The following ANO3 variants were observed in gnomAD, a reference collection of about 807,000 sequenced individuals.
ANO3 encodes the protein anoctamin-3.
In ANO3, 99 loss-of-function variants were observed where a neutral mutation model predicts 144.8. That is an observed-to-expected ratio of 0.68 (90% CI 0.58 to 0.81). The LOEUF (loss-of-function observed/expected upper bound fraction) is 0.81, where lower values mean the gene tolerates loss of function less well. Ranked by LOEUF, ANO3 falls within the 30% of genes least tolerant of loss-of-function variation. The probability of loss-of-function intolerance (pLI) is 0.00; values close to 1 mark genes in which losing one functional copy is unlikely to be tolerated. For synonymous variants in ANO3, 414 were observed against 392.6 expected (o/e 1.05, Z -0.64); for missense variants, 905 against 1,202.2 (o/e 0.75, Z 3.66).
intron 1 of ANO3, among the ~76,000 whole-genome samples, chr11:26,319,628 T>C (rs1286023506): frequency 6.6e-6 from 1 of 152,202 alleles, no homozygotes; most frequent in East Asian, 1.9e-4. Flanking sequence ...GCCAAATCAA[T>C]GTATGATAAA....
intron 1 of ANO3, among the ~76,000 whole-genome samples, chr11:26,219,888 A>G (rs72889674): frequency 0.3 from 45,480 of 152,090 alleles, 7,624 homozygotes; most frequent in Non-Finnish European, 0.37. Context: ...GACCCAGAAA[A>G]CACTCCATTT....
chr11:26,548,000 TG>T lies in ANO3; in HGVS notation c.1289+451del, dbSNP rs1441970511. 3.3e-5 allele frequency among the ~76,000 whole-genome samples: 5 copies of T among 151,976 alleles called. No homozygotes were observed. In the East Asian group the frequency reaches 9.7e-4, roughly 29 times the overall value. ...ACCCTGGGAGATGCATAGCTCTTTT[TG>T]CACATGAGGGAACCTAATATACTTA... On this transcript the variant is annotated intron_variant, in intron 12 of 26. Transcript: ENST00000256737.
chr11:26,264,865 GA>G (rs565997435), intron 1 of ANO3, among the ~76,000 whole-genome samples: 332 of 151,266 alleles, frequency 2.2e-3, no homozygotes, highest in African/African-American at 7.9e-3. Context: ...TATTTTTAAA[GA>G]TTTTTTTTTT....
At chr11:26,544,251 C>CAT (rs1554967685) in intron 11 of ANO3, among the ~76,000 whole-genome samples, 452 of 38,480 alleles carry the variant, frequency 0.012, 40 homozygotes, top group Middle Eastern at 0.025. Flanking sequence ...TTTCATTATA[C>CAT]ATATATATAT....
At position 26,553,300 on chromosome 11, in the gene ANO3, G is replaced by GA; in HGVS notation, c.1343dup (p.Asn448LysfsTer22). On this transcript the variant is annotated frameshift_variant, in exon 13 of 27. Coordinates refer to ENST00000256737, the MANE Select transcript of ANO3 (RefSeq NM_031418.4). LOFTEE classifies it high-confidence loss of function. ...TCTTTATGTGCCCTCTCTGTGACAA[G>GA]AACTGCTCCCTGCAGAGACTCAACG... 1 of 1,580,746 alleles carries GA rather than the reference G, an allele frequency of 6.3e-7. No homozygotes were observed. The highest frequency in any genetic ancestry group is 8.6e-7 in the Non-Finnish European group (1 of 1,158,004).
At chr11:26,417,390 G>C (rs898572208) in intron 1 of ANO3, among the ~76,000 whole-genome samples, 2 of 152,072 alleles carry the variant, frequency 1.3e-5, no homozygotes, top group Non-Finnish European at 2.9e-5. Flanking sequence ...AAAAAATATG[G>C]ATAATTCTCA....
intron 6 of ANO3, among the ~76,000 whole-genome samples, chr11:26,522,152 C>G (rs1862105399): frequency 6.6e-6 from 1 of 152,098 alleles, no homozygotes; most frequent in South Asian, 2.1e-4. Context: ...CCACTGCACT[C>G]CAGCCTGGGC....
At chr11:26,600,987 C>T (rs1255824131) in intron 17 of ANO3, among the ~76,000 whole-genome samples, 1 of 152,078 alleles carries the variant, frequency 6.6e-6, no homozygotes, top group Non-Finnish European at 1.5e-5. Flanking sequence ...TCAGGTCTAT[C>T]AATGGGAACC....
At chr11:26,302,359 G>A (rs1210124019) in intron 1 of ANO3, among the ~76,000 whole-genome samples, 1 of 152,138 alleles carries the variant, frequency 6.6e-6, no homozygotes, top group African/African-American at 2.4e-5. Context: ...GCTGGGCATG[G>A]TGACGCACGC....
At chr11:26,572,111 C>A in intron 14 of ANO3, 1 of 985,306 alleles carries the variant, frequency 1.0e-6, no homozygotes, top group Non-Finnish European at 1.2e-6. Context: ...AGGAATCTGT[C>A]GTGCATTAGA....
At chr11:26,607,872 G>T (rs1045812242) in intron 17 of ANO3, among the ~76,000 whole-genome samples, 3 of 152,150 alleles carry the variant, frequency 2.0e-5, no homozygotes, top group African/African-American at 7.2e-5. Flanking sequence ...TTTGCATTGG[G>T]TTAGAACCTG....
At chr11:26,283,333 T>A (rs371256213) in intron 1 of ANO3, among the ~76,000 whole-genome samples, 2 of 73,904 alleles carry the variant, frequency 2.7e-5, no homozygotes, top group East Asian at 4.1e-4. Context: ...TATATATATA[T>A]ATATATATAT....
intron 1 of ANO3, among the ~76,000 whole-genome samples, chr11:26,343,225 T>C (rs923100197): frequency 2.0e-5 from 3 of 152,188 alleles, no homozygotes; most frequent in African/African-American, 7.2e-5. Context: ...GATCATGCAA[T>C]ATTTGTCTTC....
chr11:26,605,547 A>G (rs973922091), intron 17 of ANO3, among the ~76,000 whole-genome samples: 1 of 152,122 alleles, frequency 6.6e-6, no homozygotes, highest in Admixed American at 6.5e-5. Context: ...CTGTGAATCC[A>G]TCTGGTCCTG....
chr11:26,444,250 A>G (rs1858628441), intron 3 of ANO3, among the ~76,000 whole-genome samples: 1 of 152,168 alleles, frequency 6.6e-6, no homozygotes, highest in African/African-American at 2.4e-5. Flanking sequence ...AGTTTACTCA[A>G]TCTCCTTTTT....
intron 17 of ANO3, among the ~76,000 whole-genome samples, chr11:26,601,082 A>G (rs1394304404): frequency 6.6e-6 from 1 of 152,218 alleles, no homozygotes; most frequent in African/African-American, 2.4e-5. Context: ...AAGTCAATTT[A>G]TCCTTCATTA....
At position 26,599,541 on chromosome 11, in the gene ANO3, A is replaced by C. The variant is rs1373848293; in HGVS notation, c.1672-9A>C. The C allele has an allele frequency of 8.7e-6, 14 of 1,609,682 alleles. No homozygotes were observed. In the East Asian group the frequency reaches 3.1e-4, roughly 36 times the overall value. On this transcript the variant is annotated splice_polypyrimidine_tract_variant and intron_variant, in intron 16 of 26. Coordinates refer to ENST00000256737, the MANE Select transcript of ANO3 (RefSeq NM_031418.4). ...ATATGGATGTTTTTTCTGGTGTCCA[A>C]TATTGTAGATATCCTTGGTGATCAC...
chr11:26,619,474 TA>T (rs1289583993), intron 17 of ANO3, among the ~76,000 whole-genome samples: 2 of 151,994 alleles, frequency 1.3e-5, no homozygotes, highest in African/African-American at 2.4e-5. Flanking sequence ...TTTTATTATT[TA>T]TTTTTTTTTA....
At chr11:26,277,715 T>C (rs1000025013) in intron 1 of ANO3, among the ~76,000 whole-genome samples, 1 of 151,970 alleles carries the variant, frequency 6.6e-6, no homozygotes, top group African/African-American at 2.4e-5. Context: ...AAATAGATAA[T>C]AATTTTTTCT....
Sources: gnomAD v4.1 joint callset for allele counts (sites outside exome capture counted in the v4.1 genomes callset) on GRCh38, gnomAD v4.1.1 for gene constraint, MANE v1.5 for transcripts, NCBI Gene and HGNC (gene_info 2026-07-23, HGNC 2026-07-21) for gene names.